Variants in DCTN4 observed in about 807,000 individuals in gnomAD.
The protein encoded by DCTN4 is dynactin subunit 4.
Under a neutral mutation model 62.7 loss-of-function variants are expected in DCTN4, and 23 were observed. The ratio of observed to expected loss-of-function variants is 0.37; its 90% CI spans 0.26 to 0.52. DCTN4 has a LOEUF of 0.52. DCTN4 is among the 20% of genes least tolerant of loss of function. The probability of loss-of-function intolerance (pLI) is 0.92; values close to 1 mark genes in which losing one functional copy is unlikely to be tolerated. For missense variants in DCTN4, 514 were observed against 580.4 expected (o/e 0.89, Z 1.18); for synonymous variants, 199 against 202.1 (o/e 0.98, Z 0.13).
chr5:150,753,724 T>C, intron 2 of DCTN4, 67 bp from the exon 3 acceptor site: 1 of 1,487,864 alleles, frequency 6.7e-7, no homozygotes, highest in South Asian at 1.3e-5. Context: ...AGAGAACAAA[T>C]ATAAGGACAA....
At chr5:150,756,714 G>A (rs1167348250) in intron 1 of DCTN4, among the ~76,000 whole-genome samples, 1 of 151,222 alleles carries the variant, frequency 6.6e-6, no homozygotes, top group Non-Finnish European at 1.5e-5. Context: ...CATCATCAGG[G>A]TTTTATGTGT....
chr5:150,747,395 C>T (rs1403019987), intron 3 of DCTN4, among the ~76,000 whole-genome samples: 2 of 152,192 alleles, frequency 1.3e-5, no homozygotes, highest in African/African-American at 4.8e-5. Context: ...ATGCCATCCC[C>T]ATCAAGCTAC....
At position 150,731,169 on chromosome 5, in the gene DCTN4, AAAAACAAAAC is replaced by A. The variant is rs750811794; in HGVS notation, c.612-23_612-14del. 1 of 1,555,878 alleles carries A rather than the reference AAAAACAAAAC, an allele frequency of 6.4e-7. No individual in the cohort carries two copies. Among genetic ancestry groups the A allele is most frequent in the Non-Finnish European group, 8.9e-7 (1 of 1,128,988 alleles). On this transcript the variant is annotated splice_polypyrimidine_tract_variant and intron_variant, in intron 6 of 12. Coordinates refer to ENST00000447998, the MANE Select transcript of DCTN4 (RefSeq NM_016221.4). ...TCCTTCTTTAAGGCTGAAAAATTAA[AAAAACAAAAC>A]AAAACAAAACAAAAGAGTAATTTCT...
intron 8 of DCTN4, among the ~76,000 whole-genome samples, chr5:150,727,292 G>C (rs1760181207): frequency 6.6e-6 from 1 of 152,106 alleles, no homozygotes; most frequent in South Asian, 2.1e-4. Context: ...TTTGCTAAAA[G>C]GTGATTAGCT....
chr5:150,749,162 G>A (rs553517866), intron 3 of DCTN4, among the ~76,000 whole-genome samples: 1 of 152,232 alleles, frequency 6.6e-6, no homozygotes, highest in East Asian at 1.9e-4. Context: ...CTGAGAAAAG[G>A]AAAAGGCAAG....
chr5:150,731,582 C>A, intron 5 of DCTN4, 93 bp from the exon 6 acceptor site: 1 of 1,001,364 alleles, frequency 1.0e-6, no homozygotes, highest in African/African-American at 1.6e-5. Context: ...GCATGAGAAG[C>A]TCAGGGAAAT....
At position 150,759,005 on chromosome 5, in the gene DCTN4, A is replaced by G. The variant is rs1416282653; in HGVS notation, c.-12T>C. 1 of 1,612,644 alleles carries G rather than the reference A, an allele frequency of 6.2e-7. No individual in the cohort carries two copies. Among genetic ancestry groups the G allele is most frequent in the Admixed American group, 1.7e-5 (1 of 59,958 alleles). ...AGCAAGGACGCCATCTTGGGGAGGG[A>G]GGAGGCGATGACGCTCCCGGCGCAT... On this transcript the variant is annotated 5_prime_UTR_variant, in exon 1 of 13. Coordinates refer to ENST00000447998, the MANE Select transcript of DCTN4 (RefSeq NM_016221.4).
At chr5:150,738,631 A>G (rs967385226) in intron 4 of DCTN4, among the ~76,000 whole-genome samples, 14 of 152,208 alleles carry the variant, frequency 9.2e-5, no homozygotes, top group Admixed American at 3.9e-4. Flanking sequence ...AAAGCCATCT[A>G]CGACAAACAC....
In DCTN4 at chr5:150,730,673, A is replaced by G; in HGVS notation, c.792T>C (p.Pro264=). 1 of 1,614,112 alleles carries G rather than the reference A, an allele frequency of 6.2e-7. No homozygotes were observed. Among genetic ancestry groups the G allele is most frequent in the Non-Finnish European group, 8.5e-7 (1 of 1,179,978 alleles). The stretch of plus-strand genomic sequence containing the variant: ...GTTTGATCAGAAGATGTTTGTGGCG[A>G]GGATAGAGCTGTGAAGCACAGACTG... ...FQPVCASQLY[P]RHKHLLIKRS... The change falls in exon 8 of 13, where the codon CCT becomes CCC. Residue 264 remains proline (P), a synonymous_variant. Transcript: ENST00000447998.
chr5:150,718,323 A>G lies in DCTN4; in HGVS notation c.1024T>C (p.Phe342Leu). The G allele has an allele frequency of 8.7e-6, 14 of 1,614,062 alleles. No individual in the cohort carries two copies. The highest frequency in any genetic ancestry group is 1.2e-5 in the Non-Finnish European group (14 of 1,179,932). Residue 342 changes from phenylalanine (F) to leucine (L), a missense_variant, in exon 11 of 13, where the codon TTC becomes CTC. By Grantham distance (22) the Phe-to-Leu change is conservative (BLOSUM62 0). Coordinates refer to ENST00000447998, the MANE Select transcript of DCTN4 (RefSeq NM_016221.4). ...PVENLTHVTL[F>L]ECEEGDPDDI... Reference sequence around the variant, plus strand: ...TCAGGGTCCCCCTCCTCACACTCGAAGAGAGTCACATGGGTGAGGTTCTCA... The same window carrying G: ...TCAGGGTCCCCCTCCTCACACTCGAGGAGAGTCACATGGGTGAGGTTCTCA...
chr5:150,756,794 A>T (rs1270396545), intron 1 of DCTN4, among the ~76,000 whole-genome samples: 1 of 152,206 alleles, frequency 6.6e-6, no homozygotes, highest in Non-Finnish European at 1.5e-5. Flanking sequence ...TAATAAAGAG[A>T]TTAATAAAAT....
At chr5:150,727,286 C>T (rs1317693852) in intron 8 of DCTN4, among the ~76,000 whole-genome samples, 1 of 152,080 alleles carries the variant, frequency 6.6e-6, no homozygotes, top group Non-Finnish European at 1.5e-5. Context: ...AGTACTTTTG[C>T]TAAAAGGTGA....
intron 1 of DCTN4, chr5:150,757,785 G>C (rs1752915516): frequency 6.6e-6 from 1 of 151,946 alleles, no homozygotes; most frequent in Non-Finnish European, 1.5e-5. Context: ...ACATAAAATG[G>C]CTTATAGTAT....
At chr5:150,746,907 C>T (rs929653049) in intron 3 of DCTN4, among the ~76,000 whole-genome samples, 133 of 152,284 alleles carry the variant, frequency 8.7e-4, no homozygotes, top group African/African-American at 3.0e-3. Flanking sequence ...CTCACCACTC[C>T]TATTCAACAT....
Position 150,710,345 on chromosome 5 carries a change from G to T in DCTN4, c.*804C>A, listed in dbSNP as rs1236529126. On this transcript the variant is annotated 3_prime_UTR_variant, in exon 13 of 13. Coordinates refer to ENST00000447998, the MANE Select transcript of DCTN4 (RefSeq NM_016221.4). ...AGGGGTAGGAAGTAAGACAAATAAA[G>T]ATTGCCCCCCTGTGGCAGCATTAAT... 2 of 152,314 alleles carry T rather than the reference G, an allele frequency of 1.3e-5. No homozygotes were observed. The highest frequency in any genetic ancestry group is 2.9e-5 in the Non-Finnish European group (2 of 68,036). The allele number at this position is 152,314 out of a possible 1,614,324, so 9.4% of individuals were successfully genotyped here.
intron 1 of DCTN4, among the ~76,000 whole-genome samples, chr5:150,756,979 A>G (rs1752888169): frequency 6.6e-6 from 1 of 152,232 alleles, no homozygotes; most frequent in Non-Finnish European, 1.5e-5. Context: ...ATAGTCAGCT[A>G]TGGCCAACCA....
intron 2 of DCTN4, among the ~76,000 whole-genome samples, chr5:150,754,270 C>T (rs1752778752): frequency 6.6e-6 from 1 of 152,184 alleles, no homozygotes; most frequent in Admixed American, 6.5e-5. Context: ...AAGATTTCAC[C>T]TGCAGTCCTG....
At chr5:150,748,842 AC>A (rs1752560831) in intron 3 of DCTN4, among the ~76,000 whole-genome samples, 1 of 149,206 alleles carries the variant, frequency 6.7e-6, no homozygotes, top group African/African-American at 2.5e-5. Flanking sequence ...ATGCTAAATG[AC>A]GAGTTAATGG....
chr5:150,735,914 T>TAAAAAAAAAAA (rs4036951), intron 4 of DCTN4, among the ~76,000 whole-genome samples: 1 of 126,110 alleles, frequency 7.9e-6, no homozygotes, highest in African/African-American at 2.8e-5. Context: ...TTAAGGGAAT[T>TAAAAAAAAAAA]AAAAAAAAAA....
Sources: gnomAD v4.1 joint callset for allele counts (sites outside exome capture counted in the v4.1 genomes callset) on GRCh38, gnomAD v4.1.1 for gene constraint, MANE v1.5 for transcripts, NCBI Gene and HGNC (gene_info 2026-07-23, HGNC 2026-07-21) for gene names.